CCSER2: variants seen among roughly 807,000 people sequenced by gnomAD.
CCSER2 encodes serine-rich coiled-coil domain-containing protein 2.
A neutral mutation model predicts 92.3 loss-of-function variants in CCSER2; 46 were observed. That is an observed-to-expected ratio of 0.50 (90% CI 0.39 to 0.64). The LOEUF is 0.64. Ranked by LOEUF, CCSER2 falls within the 30% of genes least tolerant of loss-of-function variation. CCSER2 has a pLI of 0.00. For synonymous variants in CCSER2, 433 were observed against 431.4 expected, an observed-to-expected ratio of 1.00 and a Z score of -0.04; for missense variants, 1,244 against 1,238.9, an observed-to-expected ratio of 1.00 and a Z score of -0.06.
At chr10:84,330,247 T>G (rs1244731471) in intron 1 of CCSER2, among the ~76,000 whole-genome samples, 1 of 152,248 alleles carries the variant, frequency 6.6e-6, no homozygotes, top group Non-Finnish European at 1.5e-5. Context: ...AGTGTCATCT[T>G]CTACCATTAT....
chr10:84,416,923 C>T (rs977060273), intron 3 of CCSER2, among the ~76,000 whole-genome samples: 14 of 151,458 alleles, frequency 9.2e-5, no homozygotes, highest in African/African-American at 3.2e-4. Flanking sequence ...AGCGAGACTC[C>T]GTCTCAAAAA....
chr10:84,371,860 C>G lies in CCSER2; in HGVS notation c.808C>G (p.Leu270Val), dbSNP rs1241581554. 3.1e-6 allele frequency: 5 copies of G among 1,613,698 alleles called. No homozygotes were observed. The highest frequency in any genetic ancestry group is 2.2e-5 in the East Asian group (1 of 44,890). Residue 270 changes from leucine to valine, a missense_variant, in exon 2 of 10, where the codon CTA becomes GTA. Leu to Val is a conservative substitution (Grantham distance 32). Coordinates refer to ENST00000372088, the MANE Select transcript of CCSER2 (RefSeq NM_001284240.2). ...SIRVPLRSSMLTRNSRQPEVL... is the reference protein window; with the variant it reads ...SIRVPLRSSMVTRNSRQPEVL... ...TAGAGTGCCTCTACGGTCAAGTATG[C>G]TAACAAGAAATTCCCGGCAGCCAGA...
intron 3 of CCSER2, among the ~76,000 whole-genome samples, chr10:84,397,038 G>A (rs1467567206): frequency 1.3e-5 from 2 of 152,142 alleles, no homozygotes; most frequent in Non-Finnish European, 2.9e-5. Flanking sequence ...CACCTTACTT[G>A]TGTCCATACC....
At chr10:84,344,944 G>T (rs1317557883) in intron 1 of CCSER2, among the ~76,000 whole-genome samples, 1 of 152,214 alleles carries the variant, frequency 6.6e-6, no homozygotes, top group East Asian at 1.9e-4. Flanking sequence ...TATCTACACT[G>T]TAGGATTGTG....
chr10:84,506,669 C>T (rs1469261358), intron 9 of CCSER2, among the ~76,000 whole-genome samples: 1 of 152,076 alleles, frequency 6.6e-6, no homozygotes, highest in East Asian at 1.9e-4. Flanking sequence ...TGGCAGGCGC[C>T]TGTAATACCA....
chr10:84,397,979 G>A (rs1259549195), intron 3 of CCSER2, among the ~76,000 whole-genome samples: 3 of 152,168 alleles, frequency 2.0e-5, no homozygotes, highest in Admixed American at 6.5e-5. Context: ...GGGTGTATTC[G>A]TTTTCTCTGG....
At position 84,515,347 on chromosome 10, in the gene CCSER2, T is replaced by C. The variant is rs1477609388; in HGVS notation, c.*1080T>C. 2.6e-5 allele frequency: 4 copies of C among 152,568 alleles called. No individual in the cohort carries two copies. The highest frequency in any genetic ancestry group is 9.7e-5 in the African/African-American group (4 of 41,434). The allele number at this position is 152,568 out of a possible 1,614,324, so 9.5% of individuals were successfully genotyped here. On this transcript the variant is annotated 3_prime_UTR_variant, in exon 10 of 10. Transcript: ENST00000372088. The stretch of plus-strand genomic sequence containing the variant: ...AAATATTTTGAGAAAAATAACAAAT[T>C]TAAATAAGACTATCTTGAGAAAGCT...
intron 9 of CCSER2, among the ~76,000 whole-genome samples, chr10:84,483,950 A>C (rs1340113535): frequency 1.4e-5 from 1 of 70,350 alleles, no homozygotes; most frequent in African/African-American, 6.6e-5. Context: ...ACACCCGGCT[A>C]ATTTATATAT....
At chr10:84,431,111 A>G (rs1282602163) in intron 5 of CCSER2, among the ~76,000 whole-genome samples, 2 of 152,142 alleles carry the variant, frequency 1.3e-5, no homozygotes, top group African/African-American at 4.8e-5. Flanking sequence ...GTCAATATTG[A>G]TATTTTATTA....
chr10:84,459,672 C>T (rs534837983), intron 6 of CCSER2, among the ~76,000 whole-genome samples: 1 of 152,042 alleles, frequency 6.6e-6, no homozygotes, highest in East Asian at 1.9e-4. Context: ...ACAGGTGCAT[C>T]CCACCACACC....
At chr10:84,493,776 C>T (rs1365467362) in intron 9 of CCSER2, among the ~76,000 whole-genome samples, 1 of 152,098 alleles carries the variant, frequency 6.6e-6, no homozygotes, top group Non-Finnish European at 1.5e-5. Context: ...CAGGATGATT[C>T]AAGTGCATTA....
chr10:84,501,344 T>A (rs2131840791), intron 9 of CCSER2, among the ~76,000 whole-genome samples: 1 of 152,258 alleles, frequency 6.6e-6, no homozygotes, highest in East Asian at 1.9e-4. Context: ...GGTTTGAGAT[T>A]TCCCCTCAGA....
intron 3 of CCSER2, among the ~76,000 whole-genome samples, chr10:84,400,685 G>A (rs1227538534): frequency 8.6e-5 from 13 of 151,772 alleles, no homozygotes; most frequent in Admixed American, 2.6e-4. Flanking sequence ...AGGCTGAGGC[G>A]GGTGGATCAC....
chr10:84,495,372 C>T (rs1004521628), intron 9 of CCSER2, among the ~76,000 whole-genome samples: 1 of 152,044 alleles, frequency 6.6e-6, no homozygotes, highest in Admixed American at 6.6e-5. Context: ...TGTCTTGTGG[C>T]CCAAACTATG....
chr10:84,397,811 A>T (rs550045195), intron 3 of CCSER2, among the ~76,000 whole-genome samples: 1 of 152,336 alleles, frequency 6.6e-6, no homozygotes, highest in East Asian at 1.9e-4. Flanking sequence ...TCAGGTGCTA[A>T]TGTGCTTCTG....
rs1406287210 is a variant in CCSER2 at position 84,372,381 on chromosome 10, T to C, written c.1329T>C (p.Asn443=). ...CTCTCAAAGAAGAGAAACATGAAAA[T>C]GGGCCACCACAGGATATGTTTGATT... The part of the protein sequence containing the change: ...EMSLKEEKHE[N]GPPQDMFDSP... Residue 443 remains asparagine (N), a synonymous_variant, in exon 2 of 10, where the codon AAT becomes AAC. Coordinates refer to ENST00000372088, the MANE Select transcript of CCSER2 (RefSeq NM_001284240.2). 3 of 1,612,084 alleles carry C rather than the reference T, an allele frequency of 1.9e-6. No individual in the cohort carries two copies. Among genetic ancestry groups the C allele is most frequent in the Non-Finnish European group, 2.5e-6 (3 of 1,179,280 alleles).
At chr10:84,481,930 T>G (rs1407598142) in intron 9 of CCSER2, among the ~76,000 whole-genome samples, 31 of 152,202 alleles carry the variant, frequency 2.0e-4, no homozygotes, top group Admixed American at 2.0e-3. Flanking sequence ...TACATGTGAC[T>G]GTTGAGCACT....
At chr10:84,337,205 T>C (rs972768692) in intron 1 of CCSER2, among the ~76,000 whole-genome samples, 7 of 152,126 alleles carry the variant, frequency 4.6e-5, no homozygotes, top group Non-Finnish European at 8.8e-5. Flanking sequence ...TAAAATAATT[T>C]AGGGAGTGAA....
chr10:84,478,006 C>T (rs1589770420), intron 9 of CCSER2, among the ~76,000 whole-genome samples: 1 of 152,274 alleles, frequency 6.6e-6, no homozygotes, highest in East Asian at 1.9e-4. Context: ...CCCACTTTAG[C>T]AGCATATGAC....
Sources: allele counts gnomAD v4.1 joint callset (sites outside exome capture counted in the v4.1 genomes callset), GRCh38; gene constraint gnomAD v4.1.1; transcripts MANE v1.5; gene names NCBI Gene and HGNC (gene_info 2026-07-23, HGNC 2026-07-21).